LDLRAD4: variants seen among roughly 807,000 people sequenced by gnomAD.
LDLRAD4 encodes low-density lipoprotein receptor class A domain-containing protein 4.
In LDLRAD4, 5 loss-of-function variants were observed where a neutral mutation model predicts 17.0. That is an observed-to-expected ratio of 0.29 (90% confidence interval 0.15 to 0.62). The LOEUF is 0.62. LDLRAD4 is among the 20% of genes least tolerant of loss of function. LDLRAD4 has a pLI of 0.84. For missense variants in LDLRAD4, 340 were observed against 424.7 expected (o/e 0.80, Z 1.75); for synonymous variants, 168 against 171.8 (o/e 0.98, Z 0.17).
At chr18:13,607,028 AAAGT>A (rs750799914) in intron 3 of LDLRAD4, among the ~76,000 whole-genome samples, 1 of 152,238 alleles carries the variant, frequency 6.6e-6, no homozygotes, top group Non-Finnish European at 1.5e-5. Flanking sequence ...TAAAAAAATC[AAAGT>A]AAGTCATCAT....
intron 1 of LDLRAD4, among the ~76,000 whole-genome samples, chr18:13,323,720 C>T (rs1279780013): frequency 6.6e-6 from 1 of 152,126 alleles, no homozygotes; most frequent in Non-Finnish European, 1.5e-5. Context: ...TAAGGATTTC[C>T]AGTGAATACT....
chr18:13,620,726 G>A (rs2040546420), intron 3 of LDLRAD4: 1 of 234,866 alleles, frequency 4.3e-6, no homozygotes, highest in South Asian at 7.3e-5. Flanking sequence ...AGCCTTGGAG[G>A]CAAGGGGCTG....
intron 3 of LDLRAD4, chr18:13,612,520 G>A: frequency 1.4e-6 from 2 of 1,423,630 alleles, no homozygotes; most frequent in Non-Finnish European, 9.2e-7. Context: ...AGTAGAGAGA[G>A]AGTGAACGAG....
At chr18:13,606,148 T>G (rs1178976212) in intron 3 of LDLRAD4, among the ~76,000 whole-genome samples, 1 of 152,204 alleles carries the variant, frequency 6.6e-6, no homozygotes, top group African/African-American at 2.4e-5. Flanking sequence ...GTGGCAGGGT[T>G]GGAACCCAAC....
chr18:13,351,561 A>C (rs1274579561), intron 1 of LDLRAD4, among the ~76,000 whole-genome samples: 1 of 152,192 alleles, frequency 6.6e-6, no homozygotes, highest in Non-Finnish European at 1.5e-5. Flanking sequence ...ATATAGAATC[A>C]TGTTGTCTTC....
At chr18:13,576,004 A>AT (rs2094764260) in intron 3 of LDLRAD4, among the ~76,000 whole-genome samples, 1 of 151,922 alleles carries the variant, frequency 6.6e-6, no homozygotes, top group Admixed American at 6.6e-5. Flanking sequence ...GATTGTGAAG[A>AT]TTTTCTCCCA....
chr18:13,649,493 T>C (rs1190760623), exon 6 of LDLRAD4: 1 of 152,240 alleles, frequency 6.6e-6, no homozygotes, highest in Non-Finnish European at 1.5e-5. Context: ...TGATTGCTAG[T>C]AGAGAGACAC....
chr18:13,506,205 G>A (rs540094297), intron 3 of LDLRAD4, among the ~76,000 whole-genome samples: 1 of 139,476 alleles, frequency 7.2e-6, no homozygotes, highest in East Asian at 2.2e-4. Flanking sequence ...CAACCTGCGA[G>A]CAGCTGTTTC....
At chr18:13,497,778 A>G (rs1257117546) in intron 3 of LDLRAD4, among the ~76,000 whole-genome samples, 4 of 152,216 alleles carry the variant, frequency 2.6e-5, no homozygotes, top group Non-Finnish European at 5.9e-5. Flanking sequence ...GGGAAGAAAC[A>G]CTTTGTTAGC....
chr18:13,557,006 T>G (rs1240640002), intron 3 of LDLRAD4, among the ~76,000 whole-genome samples: 1 of 152,058 alleles, frequency 6.6e-6, no homozygotes, highest in Non-Finnish European at 1.5e-5. Context: ...AAGGAGATAA[T>G]AAGCACGGCC....
rs1035736437 is a variant in LDLRAD4 at position 13,612,547 on chromosome 18, C to A, written c.182-8570C>A. On this transcript the variant is annotated intron_variant, in intron 3 of 5. Transcript: ENST00000359446. Reference sequence around the variant, plus strand: ...GTGAACGAGGCAGACAGAAACACACCCCCCCCCCCTCCACGCTCACACACT... The same window carrying A: ...GTGAACGAGGCAGACAGAAACACACACCCCCCCCCTCCACGCTCACACACT... The A allele has an allele frequency of 1.1e-3, 426 of 387,192 alleles. 1 individual carries two copies. The highest frequency in any genetic ancestry group is 5.1e-3 in the African/African-American group (119 of 23,476). 24.0% of individuals were successfully genotyped at this position (387,192 alleles called of 1,614,324 possible). A position where few individuals can be genotyped will look rare whatever the true frequency, so the allele number is the denominator to read the frequency against.
chr18:13,560,434 T>A (rs1055957904), intron 3 of LDLRAD4, among the ~76,000 whole-genome samples: 1 of 152,334 alleles, frequency 6.6e-6, no homozygotes, highest in Admixed American at 6.5e-5. Flanking sequence ...GGTTGGTCCT[T>A]GAAGGGACCT....
chr18:13,278,420 G>A (rs925530509), intron 1 of LDLRAD4: 1 of 152,270 alleles, frequency 6.6e-6, no homozygotes, highest in Non-Finnish European at 1.5e-5. Flanking sequence ...CAGCCCTGGT[G>A]GGGGACAGTC....
chr18:13,590,120 CGTGGGTGTGCATGT>C (rs1455162524), intron 3 of LDLRAD4, among the ~76,000 whole-genome samples: 2 of 145,448 alleles, frequency 1.4e-5, no homozygotes, highest in Non-Finnish European at 3.0e-5. Context: ...ACTGCATGTG[CGTGGGTGTGCATGT>C]GTGGGTGTGC....
At chr18:13,218,592 G>C (rs1344015440), upstream of LDLRAD4, among the ~76,000 whole-genome samples, 2 of 152,132 alleles carry the variant, frequency 1.3e-5, no homozygotes, top group Admixed American at 6.5e-5. Flanking sequence ...CGGGAAGGAG[G>C]GGGCGGGCCA....
At chr18:13,395,829 G>T (rs1325003202) in intron 2 of LDLRAD4, among the ~76,000 whole-genome samples, 1 of 151,960 alleles carries the variant, frequency 6.6e-6, no homozygotes, top group East Asian at 1.9e-4. Context: ...CTGCTCGTGG[G>T]AATCAATCTC....
At chr18:13,489,146 A>G (rs1297176456) in intron 3 of LDLRAD4, 1 of 139,888 alleles carries the variant, frequency 7.1e-6, no homozygotes, top group African/African-American at 2.6e-5. Flanking sequence ...GGTGCTACCC[A>G]TTCTTTCTTT....
intron 1 of LDLRAD4, among the ~76,000 whole-genome samples, chr18:13,262,620 A>G (rs1344804069): frequency 0.043 from 1,180 of 27,280 alleles, 3 homozygotes; most frequent in African/African-American, 0.11. Flanking sequence ...CTGTGCGTGG[A>G]AACTGAGTCC....
chr18:13,537,293 GTA>G (rs2147897393), intron 3 of LDLRAD4, among the ~76,000 whole-genome samples: 1 of 152,302 alleles, frequency 6.6e-6, no homozygotes, highest in African/African-American at 2.4e-5. Context: ...CACACCTAGG[GTA>G]TATGGCAGCA....
Sources: gnomAD v4.1 joint callset for allele counts (sites outside exome capture counted in the v4.1 genomes callset) on GRCh38, gnomAD v4.1.1 for gene constraint, MANE v1.5 for transcripts, NCBI Gene and HGNC (gene_info 2026-07-23, HGNC 2026-07-21) for gene names.